Variants in PTPRT observed in about 807,000 individuals in gnomAD.
PTPRT encodes protein tyrosine phosphatase receptor type T, also known as receptor-type tyrosine-protein phosphatase T.
In PTPRT, 56 loss-of-function variants were observed where a neutral mutation model predicts 176.8. The ratio of observed to expected loss-of-function variants is 0.32; its 90% CI spans 0.26 to 0.40. The LOEUF is 0.40. PTPRT is among the 10% of genes least tolerant of loss of function. The pLI is 1.00. For synonymous variants in PTPRT, 783 were observed against 739.0 expected (o/e 1.06, Z -0.96); for missense variants, 1,540 against 1,908.2 (o/e 0.81, Z 3.60).
chr20:42,212,631 G>T (rs965501572), intron 15 of PTPRT, among the ~76,000 whole-genome samples: 12 of 152,202 alleles, frequency 7.9e-5, no homozygotes, highest in African/African-American at 2.9e-4. Context: ...CCCTCTGCAT[G>T]CCAGTTTCCT....
At chr20:42,555,120 T>C (rs1254418193) in intron 7 of PTPRT, among the ~76,000 whole-genome samples, 1 of 152,158 alleles carries the variant, frequency 6.6e-6, no homozygotes, top group Non-Finnish European at 1.5e-5. Context: ...ACCTTCAGAA[T>C]AATTCAGAGC....
chr20:42,415,615 A>G (rs1466025801), intron 9 of PTPRT, among the ~76,000 whole-genome samples: 3 of 152,240 alleles, frequency 2.0e-5, no homozygotes, highest in Non-Finnish European at 2.9e-5. Context: ...ATATAATTAC[A>G]TGAAATAATC....
intron 2 of PTPRT, among the ~76,000 whole-genome samples, chr20:42,867,767 C>T (rs2078773412): frequency 6.7e-6 from 1 of 150,086 alleles, no homozygotes; most frequent in African/African-American, 2.5e-5. Context: ...CCACAACCTC[C>T]ACCTCCCAGG....
intron 1 of PTPRT, among the ~76,000 whole-genome samples, chr20:43,075,028 C>G (rs566969931): frequency 6.0e-4 from 91 of 152,338 alleles, no homozygotes; most frequent in African/African-American, 2.2e-3. Flanking sequence ...GACAGAGCCT[C>G]TGGGGAGATC....
intron 7 of PTPRT, among the ~76,000 whole-genome samples, chr20:42,666,006 T>C (rs932908859): frequency 4.6e-5 from 7 of 151,606 alleles, no homozygotes; most frequent in Admixed American, 2.0e-4. Context: ...GACGAGTTAA[T>C]GGGTGCAGCA....
intron 2 of PTPRT, among the ~76,000 whole-genome samples, chr20:42,824,058 C>G (rs1042369597): frequency 6.6e-6 from 1 of 151,918 alleles, no homozygotes; most frequent in African/African-American, 2.4e-5. Context: ...TCAACTTAAA[C>G]AGAGATATGA....
chr20:42,855,310 A>T (rs2078541713), intron 2 of PTPRT, among the ~76,000 whole-genome samples: 1 of 152,156 alleles, frequency 6.6e-6, no homozygotes. Flanking sequence ...GAACAAAATG[A>T]ATTAAAATGA....
intron 5 of PTPRT, among the ~76,000 whole-genome samples, chr20:42,766,470 T>C (rs1266584072): frequency 6.6e-6 from 1 of 152,234 alleles, no homozygotes; most frequent in African/African-American, 2.4e-5. Flanking sequence ...TTGACTCTCA[T>C]GTAGAACTTG....
intron 1 of PTPRT, among the ~76,000 whole-genome samples, chr20:43,016,093 G>A (rs1423470342): frequency 6.6e-6 from 1 of 152,032 alleles, no homozygotes; most frequent in African/African-American, 2.4e-5. Context: ...AGAGCCCCCT[G>A]CCCCCTTCAC....
intron 4 of PTPRT, among the ~76,000 whole-genome samples, chr20:42,775,214 A>G (rs1042034597): frequency 6.6e-6 from 1 of 152,210 alleles, no homozygotes; most frequent in African/African-American, 2.4e-5. Context: ...CGTTAGTGAC[A>G]TTTAGACGCC....
chr20:42,837,219 G>A (rs2078196437), intron 2 of PTPRT, among the ~76,000 whole-genome samples: 1 of 152,214 alleles, frequency 6.6e-6, no homozygotes, highest in Admixed American at 6.5e-5. Flanking sequence ...GGAGCCCACA[G>A]AGGCCCATCC....
chr20:42,951,999 C>T (rs1349559807), intron 1 of PTPRT, among the ~76,000 whole-genome samples: 1 of 152,188 alleles, frequency 6.6e-6, no homozygotes, highest in African/African-American at 2.4e-5. Context: ...CACCCAAATC[C>T]CTGCTTCTTG....
At chr20:42,531,295 A>T (rs2072379640) in intron 7 of PTPRT, among the ~76,000 whole-genome samples, 1 of 152,248 alleles carries the variant, frequency 6.6e-6, no homozygotes, top group Admixed American at 6.5e-5. Flanking sequence ...AGAGAAAATT[A>T]AAAATTTACC....
intron 17 of PTPRT, among the ~76,000 whole-genome samples, chr20:42,143,144 A>T (rs1347098621): frequency 2.0e-5 from 3 of 152,166 alleles, no homozygotes; most frequent in Non-Finnish European, 4.4e-5. Context: ...ATGAAAAACC[A>T]TCAGAGGGTT....
downstream of PTPRT, among the ~76,000 whole-genome samples, chr20:42,068,938 T>C (rs961546526): frequency 2.0e-5 from 3 of 152,206 alleles, no homozygotes; most frequent in Admixed American, 6.5e-5. Context: ...TCAGCACATG[T>C]ATCTGTTAGG....
chr20:42,196,265 C>T (rs765459535), intron 16 of PTPRT, among the ~76,000 whole-genome samples: 37 of 152,250 alleles, frequency 2.4e-4, no homozygotes, highest in Non-Finnish European at 4.0e-4. Flanking sequence ...GCCCCAGAGC[C>T]GAAAGCAGGG....
chr20:42,191,950 C>T (rs983924064), intron 16 of PTPRT, among the ~76,000 whole-genome samples: 11 of 151,910 alleles, frequency 7.2e-5, no homozygotes, highest in South Asian at 4.1e-4. Flanking sequence ...AGTTGGGCAA[C>T]TGTCATTATG....
intron 14 of PTPRT, among the ~76,000 whole-genome samples, chr20:42,243,411 G>A (rs2056393933): frequency 6.6e-6 from 1 of 152,190 alleles, no homozygotes; most frequent in East Asian, 1.9e-4. Context: ...ATGGCACAGT[G>A]GCTGCAGAGG....
At chr20:43,172,680 C>G (rs558249574) in intron 1 of PTPRT, among the ~76,000 whole-genome samples, 127 of 152,272 alleles carry the variant, frequency 8.3e-4, no homozygotes, top group Middle Eastern at 3.4e-3. Context: ...CCTTGCTAAG[C>G]ATTTGACATA....
Sources: gnomAD v4.1 joint callset for allele counts (sites outside exome capture counted in the v4.1 genomes callset) on GRCh38, gnomAD v4.1.1 for gene constraint, MANE v1.5 for transcripts, NCBI Gene and HGNC (gene_info 2026-07-23, HGNC 2026-07-21) for gene names.